The following SLC8A3 variants were observed in gnomAD, a reference collection of about 807,000 sequenced individuals.
SLC8A3 encodes the protein sodium/calcium exchanger 3.
In SLC8A3, 37 loss-of-function variants were observed where a neutral mutation model predicts 65.4. That is an observed-to-expected ratio of 0.57 (90% CI 0.44 to 0.74). The LOEUF (loss-of-function observed/expected upper bound fraction) is 0.74. Among genes scored for constraint, SLC8A3 ranks in the 30% least tolerant of loss-of-function variants. The pLI is 0.00. For synonymous variants in SLC8A3, 461 were observed against 444.5 expected (o/e 1.04, Z -0.47); for missense variants, 1,112 against 1,172.1 (o/e 0.95, Z 0.75).
At chr14:70,174,180 G>C (rs752798137) in intron 1 of SLC8A3, among the ~76,000 whole-genome samples, 3 of 152,202 alleles carry the variant, frequency 2.0e-5, no homozygotes, top group Non-Finnish European at 1.5e-5. Context: ...GCGCCCCTTC[G>C]AGCAAAGGCT....
intron 2 of SLC8A3, among the ~76,000 whole-genome samples, chr14:70,134,330 A>G (rs2140243970): frequency 6.6e-6 from 1 of 152,282 alleles, no homozygotes; most frequent in African/African-American, 2.4e-5. Flanking sequence ...AGTATTTTTC[A>G]GATAAAAGTA....
intron 2 of SLC8A3, among the ~76,000 whole-genome samples, chr14:70,118,988 T>C (rs1893847248): frequency 6.6e-6 from 1 of 152,180 alleles, no homozygotes; most frequent in Non-Finnish European, 1.5e-5. Flanking sequence ...GGAGAAGTAA[T>C]GCTGGGGAAT....
chr14:70,155,126 G>A (rs1896501372), intron 2 of SLC8A3, among the ~76,000 whole-genome samples: 1 of 151,930 alleles, frequency 6.6e-6, no homozygotes, highest in Admixed American at 6.6e-5. Context: ...TCACCATGTT[G>A]TCCAGGCTGA....
chr14:70,092,503 C>T (rs890062545), intron 2 of SLC8A3, among the ~76,000 whole-genome samples: 2 of 152,196 alleles, frequency 1.3e-5, no homozygotes, highest in African/African-American at 2.4e-5. Context: ...TGGGTATTAT[C>T]ACCTAGAGTG....
At chr14:70,130,102 C>T (rs1894721638) in intron 2 of SLC8A3, among the ~76,000 whole-genome samples, 1 of 152,218 alleles carries the variant, frequency 6.6e-6, no homozygotes, top group South Asian at 2.1e-4. Context: ...CTGTTCTCTG[C>T]TTCGTCTGTG....
At chr14:70,115,739 T>C (rs997222998) in intron 2 of SLC8A3, among the ~76,000 whole-genome samples, 1 of 152,166 alleles carries the variant, frequency 6.6e-6, no homozygotes, top group African/African-American at 2.4e-5. Flanking sequence ...CTGGGGTATT[T>C]ATGCTGGACT....
chr14:70,103,454 ACT>A (rs756800047), intron 2 of SLC8A3, among the ~76,000 whole-genome samples: 1 of 152,058 alleles, frequency 6.6e-6, no homozygotes, highest in Non-Finnish European at 1.5e-5. Context: ...AGATTATAAC[ACT>A]CTATTGTGGA....
intron 1 of SLC8A3, among the ~76,000 whole-genome samples, chr14:70,176,139 C>G (rs1234525913): frequency 6.6e-6 from 1 of 152,224 alleles, no homozygotes; most frequent in Admixed American, 6.5e-5. Context: ...ATGTGCTAGA[C>G]TTGTGTAAAC....
chr14:70,152,740 A>C (rs1896350595), intron 2 of SLC8A3, among the ~76,000 whole-genome samples: 1 of 152,158 alleles, frequency 6.6e-6, no homozygotes, highest in South Asian at 2.1e-4. Context: ...CTCATTTCAG[A>C]GGCATTCGGA....
rs375146343 is a variant in SLC8A3, at chr14:70,059,768, C to T, written c.1888+1068G>A. Among the ~76,000 whole-genome samples, 20 of 152,252 alleles carry T rather than the reference C, an allele frequency of 1.3e-4. No homozygotes were observed. In the East Asian group the frequency reaches 3.9e-3, roughly 29 times the overall value. ...CAAAGGCAGACATCTGTGACCTTTC[C>T]AACACCTGTCTGTCAGGGATCAGCA... On this transcript the variant is annotated intron_variant, in intron 3 of 6. Coordinates refer to ENST00000356921, the MANE Select transcript of SLC8A3 (RefSeq NM_182932.3).
At chr14:70,088,308 C>G (rs1891575686) in intron 2 of SLC8A3, among the ~76,000 whole-genome samples, 1 of 152,190 alleles carries the variant, frequency 6.6e-6, no homozygotes. Context: ...TAGAATTCAT[C>G]TAGGTAGGTT....
At position 70,168,144 on chromosome 14, in the gene SLC8A3, G is replaced by C. The variant is rs1180825235; in HGVS notation, c.279C>G (p.Ile93Met). 6.2e-7 allele frequency: 1 copy of C among 1,614,142 alleles called. No individual in the cohort carries two copies. The highest frequency in any genetic ancestry group is 8.5e-7 in the Non-Finnish European group (1 of 1,180,022). The change falls in exon 2 of 7, where the codon ATC becomes ATG. Residue 93 changes from isoleucine (I) to methionine (M), a missense_variant. Ile to Met is a conservative substitution (Grantham distance 10). Coordinates refer to ENST00000356921, the MANE Select transcript of SLC8A3 (RefSeq NM_182932.3). Reference sequence around the variant, plus strand: ...TAGATGCCATGAAGCGGTCAGCAATGATGGACACCCCAAGGAACATGTATA... The same window carrying C: ...TAGATGCCATGAAGCGGTCAGCAATCATGGACACCCCAAGGAACATGTATA... ...ALIYMFLGVS[I>M]IADRFMASIE...
At chr14:70,066,211 T>C (rs1481987026) in intron 2 of SLC8A3, among the ~76,000 whole-genome samples, 2 of 152,230 alleles carry the variant, frequency 1.3e-5, no homozygotes, top group East Asian at 1.9e-4. Flanking sequence ...TTGGGACTTA[T>C]GGTATTACCT....
intron 2 of SLC8A3, chr14:70,080,169 C>T: frequency 1.0e-6 from 1 of 985,416 alleles, no homozygotes; most frequent in Non-Finnish European, 1.2e-6. Flanking sequence ...GCTGTCATTC[C>T]CTAGGTTTTC....
At chr14:70,136,422 G>A (rs1353399012) in intron 2 of SLC8A3, among the ~76,000 whole-genome samples, 1 of 152,182 alleles carries the variant, frequency 6.6e-6, no homozygotes, top group Non-Finnish European at 1.5e-5. Flanking sequence ...GCCTGTGTAA[G>A]CCTGCGTGAT....
At position 70,045,984 on chromosome 14, in the gene SLC8A3, G is replaced by T; in HGVS notation, c.2729C>A (p.Ala910Asp). The change falls in exon 7 of 7, where the codon GCC becomes GAC. Residue 910 changes from alanine to aspartate, a missense_variant. Transcript: ENST00000356921. ...VSLWLLYILFATLEAYCYIKG... is the reference protein window; with the variant it reads ...VSLWLLYILFDTLEAYCYIKG... Reference sequence around the variant, plus strand: ...GATGTAGCAATAGGCCTCTAGTGTGGCAAAGAGTATGTAGAGGAGCCACAG... The same window carrying T: ...GATGTAGCAATAGGCCTCTAGTGTGTCAAAGAGTATGTAGAGGAGCCACAG... The T allele has an allele frequency of 6.2e-7, 1 of 1,607,238 alleles. No homozygotes were observed. The highest frequency in any genetic ancestry group is 1.3e-5 in the African/African-American group (1 of 74,910).
chr14:70,164,758 C>A (rs1344194914), intron 2 of SLC8A3, among the ~76,000 whole-genome samples: 3 of 152,150 alleles, frequency 2.0e-5, no homozygotes, highest in Non-Finnish European at 2.9e-5. Flanking sequence ...ATTTTGTGGT[C>A]TTAATGTCAT....
intron 2 of SLC8A3, among the ~76,000 whole-genome samples, chr14:70,124,379 T>C (rs1317834980): frequency 6.6e-6 from 1 of 152,220 alleles, no homozygotes; most frequent in Admixed American, 6.5e-5. Flanking sequence ...CATCTTTCAC[T>C]GTCTTCTCCA....
At chr14:70,094,693 C>T (rs1044476092) in intron 2 of SLC8A3, among the ~76,000 whole-genome samples, 2 of 152,150 alleles carry the variant, frequency 1.3e-5, no homozygotes, top group Admixed American at 1.3e-4. Context: ...ACAGAATGTC[C>T]CCCCTGCTGT....
Sources: gnomAD v4.1 joint callset for allele counts (sites outside exome capture counted in the v4.1 genomes callset) on GRCh38, gnomAD v4.1.1 for gene constraint, MANE v1.5 for transcripts, NCBI Gene and HGNC (gene_info 2026-07-23, HGNC 2026-07-21) for gene names.